Variants in SNX8 observed in about 807,000 individuals in gnomAD.
SNX8 encodes the protein sorting nexin-8.
In SNX8, 25 loss-of-function variants were observed where a neutral mutation model predicts 51.6. That is an observed-to-expected ratio of 0.48 (90% CI 0.35 to 0.68). SNX8 has a LOEUF of 0.68. Ranked by LOEUF, SNX8 falls within the 30% of genes least tolerant of loss-of-function variation. The probability of loss-of-function intolerance (pLI) is 0.00; values close to 1 mark genes in which losing one functional copy is unlikely to be tolerated. For missense variants in SNX8, 695 were observed against 624.0 expected, an observed-to-expected ratio of 1.11 and a Z score of -1.21; for synonymous variants, 324 against 277.0, an observed-to-expected ratio of 1.17 and a Z score of -1.68.
chr7:2,304,027 C>T (rs1301433955), intron 1 of SNX8, among the ~76,000 whole-genome samples: 9 of 150,930 alleles, frequency 6.0e-5, no homozygotes, highest in Non-Finnish European at 7.4e-5. Flanking sequence ...ATTAGCCAGG[C>T]GTGGTGGCGG....
At chr7:2,327,414 AT>A (rs1321848573) in intron 1 of SNX8, among the ~76,000 whole-genome samples, 11 of 77,130 alleles carry the variant, frequency 1.4e-4, no homozygotes, top group East Asian at 3.4e-4. Context: ...TAATTTTTTT[AT>A]TTTTTTTTTG....
At chr7:2,279,211 G>A (rs1383196705) in intron 1 of SNX8, among the ~76,000 whole-genome samples, 2 of 96,678 alleles carry the variant, frequency 2.1e-5, no homozygotes, top group Non-Finnish European at 4.2e-5. Flanking sequence ...CGGAGTCGAC[G>A]CCGGACTCAC....
chr7:2,344,710 G>A (rs1311316713), intron 1 of SNX8, among the ~76,000 whole-genome samples: 2 of 151,928 alleles, frequency 1.3e-5, no homozygotes, highest in Admixed American at 6.6e-5. Flanking sequence ...TTTAAGTTCA[G>A]GATCATCTGA....
upstream of SNX8, chr7:2,314,574 T>A (rs1193891068): frequency 2.1e-5 from 15 of 698,256 alleles, no homozygotes; most frequent in Non-Finnish European, 2.5e-5. Context: ...GCCGCGCTCC[T>A]CGCCCGGCCT....
intron 3 of SNX8, among the ~76,000 whole-genome samples, chr7:2,273,022 G>C (rs1280249197): frequency 6.6e-6 from 1 of 150,416 alleles, no homozygotes; most frequent in South Asian, 2.1e-4. Flanking sequence ...TTATTAGAGA[G>C]GAGGTTTCAC....
At chr7:2,263,770 G>A (rs1175443438) in intron 6 of SNX8, among the ~76,000 whole-genome samples, 1 of 152,052 alleles carries the variant, frequency 6.6e-6, no homozygotes, top group South Asian at 2.1e-4. Flanking sequence ...CTGGAGTGCA[G>A]TGGCGCGATC....
Position 2,254,647 on chromosome 7 carries a change from G to A in SNX8, c.*409C>T, listed in dbSNP as rs1795130179. The A allele has an allele frequency of 4.8e-6, 1 of 209,216 alleles. No homozygotes were observed. The highest frequency in any genetic ancestry group is 7.2e-5 in the South Asian group (1 of 13,856). The allele number at this position is 209,216 out of a possible 1,614,324, so 13.0% of individuals were successfully genotyped here. A position where few individuals can be genotyped will look rare whatever the true frequency, so the allele number is the denominator to read the frequency against. Reference sequence around the variant, plus strand: ...GTCAGTCCCATGCCTGGGCTGCAGGGCAGCCCTGCCCTCTCTCCTCGGCTG... The same window carrying A: ...GTCAGTCCCATGCCTGGGCTGCAGGACAGCCCTGCCCTCTCTCCTCGGCTG... On this transcript the variant is annotated 3_prime_UTR_variant, in exon 11 of 11. Transcript: ENST00000222990.
chr7:2,261,965 A>G (rs1434432395), intron 7 of SNX8, among the ~76,000 whole-genome samples: 1 of 152,206 alleles, frequency 6.6e-6, no homozygotes. Context: ...CTTCAAACTA[A>G]TATGAGTAGC....
chr7:2,329,781 G>A (rs1225780335), intron 1 of SNX8, among the ~76,000 whole-genome samples: 2 of 151,982 alleles, frequency 1.3e-5, no homozygotes, highest in Non-Finnish European at 2.9e-5. Context: ...CACCGCCCCT[G>A]CCCCAGACCT....
chr7:2,332,763 GAAGGA>G (rs1372809058), intron 1 of SNX8, among the ~76,000 whole-genome samples: 1 of 149,024 alleles, frequency 6.7e-6, no homozygotes, highest in Non-Finnish European at 1.5e-5. Flanking sequence ...AGGAAGGAAG[GAAGGA>G]AGGAGGGAAG....
At position 2,297,406 on chromosome 7, in the gene SNX8, C is replaced by T. The variant is rs146529600; in HGVS notation, c.94+16922G>A. 8.0e-3 allele frequency among the ~76,000 whole-genome samples: 1,214 copies of T among 151,520 alleles called. 7 individuals are homozygous for T. Among genetic ancestry groups the T allele is most frequent in the South Asian group, 0.014 (65 of 4,792 alleles). On this transcript the variant is annotated intron_variant, in intron 1 of 10. Coordinates refer to ENST00000222990, the MANE Select transcript of SNX8 (RefSeq NM_013321.4). ...TCTCTACTAAAAATACAAAATTAGC[C>T]AGGCACGGTGGCACATGCCTATAAT...
intron 6 of SNX8, 44 bp downstream of exon 6, chr7:2,264,254 C>T (rs372464236): frequency 7.0e-6 from 11 of 1,571,336 alleles, no homozygotes; most frequent in East Asian, 6.8e-5. Context: ...CATGGATTCC[C>T]GTCCCACCGC....
At chr7:2,290,412 G>A (rs1357269125) in intron 1 of SNX8, among the ~76,000 whole-genome samples, 1 of 151,494 alleles carries the variant, frequency 6.6e-6, no homozygotes, top group Non-Finnish European at 1.5e-5. Context: ...GCTGAGGCAC[G>A]AGAATCTCTT....
chr7:2,285,688 A>T (rs769671707), intron 1 of SNX8, among the ~76,000 whole-genome samples: 1 of 152,012 alleles, frequency 6.6e-6, no homozygotes, highest in East Asian at 1.9e-4. Context: ...TTTATTTGAG[A>T]CAGGATCTTT....
chr7:2,353,244 C>A (rs1440060670), intron 1 of SNX8, among the ~76,000 whole-genome samples: 1 of 151,974 alleles, frequency 6.6e-6, no homozygotes, highest in Non-Finnish European at 1.5e-5. Context: ...CTAGGCCCTG[C>A]GCGGTGGTTC....
intron 7 of SNX8, among the ~76,000 whole-genome samples, chr7:2,261,442 CA>C (rs1325408661): frequency 1.3e-5 from 2 of 151,840 alleles, no homozygotes; most frequent in Non-Finnish European, 2.9e-5. Context: ...CAAAAACAAA[CA>C]AAAAAAAGAA....
chr7:2,267,426 G>C (rs1795494990), intron 5 of SNX8, among the ~76,000 whole-genome samples: 2 of 134,292 alleles, frequency 1.5e-5, no homozygotes, highest in South Asian at 5.5e-4. Flanking sequence ...CTCCCTGCCT[G>C]ATTCTCCTGC....
At chr7:2,256,571 G>C (rs186796961) in intron 10 of SNX8, among the ~76,000 whole-genome samples, 2 of 152,260 alleles carry the variant, frequency 1.3e-5, no homozygotes, top group African/African-American at 4.8e-5. Context: ...CTCAGCCGCA[G>C]GGTGCGGGAG....
At chr7:2,354,108 G>A (rs1471150349) in intron 1 of SNX8, 1 of 152,428 alleles carries the variant, frequency 6.6e-6, no homozygotes, top group Non-Finnish European at 1.5e-5. Flanking sequence ...GTCCCGCGCT[G>A]AAGGCGGCGG....
Sources: gnomAD v4.1 joint callset for allele counts (sites outside exome capture counted in the v4.1 genomes callset) on GRCh38, gnomAD v4.1.1 for gene constraint, MANE v1.5 for transcripts, NCBI Gene and HGNC (gene_info 2026-07-23, HGNC 2026-07-21) for gene names.